The following KDM4C variants were observed in gnomAD, a reference collection of about 807,000 sequenced individuals.
The protein encoded by KDM4C is lysine demethylase 4C, also known as lysine-specific demethylase 4C.
In KDM4C, 81 loss-of-function variants were observed where a neutral mutation model predicts 129.3. That is an observed-to-expected ratio of 0.63 (90% confidence interval 0.52 to 0.75). The LOEUF (loss-of-function observed/expected upper bound fraction) is 0.75, where lower values mean the gene tolerates loss of function less well. Among genes scored for constraint, KDM4C ranks in the 30% least tolerant of loss-of-function variants. KDM4C has a pLI of 0.00. For missense variants in KDM4C, 1,457 were observed against 1,304.0 expected, an observed-to-expected ratio of 1.12 and a Z score of -1.81; for synonymous variants, 573 against 456.1, an observed-to-expected ratio of 1.26 and a Z score of -3.26.
At chr9:6,851,568 C>G (rs541923172) in intron 5 of KDM4C, among the ~76,000 whole-genome samples, 1 of 152,216 alleles carries the variant, frequency 6.6e-6, no homozygotes, top group African/African-American at 2.4e-5. Flanking sequence ...TAGGCAACTA[C>G]ATACTATGTC....
rs1209381243 is a variant in KDM4C, at chr9:6,913,734, C to A, written c.921+20502C>A. Among the ~76,000 whole-genome samples, 4 of 152,156 alleles carry A rather than the reference C, an allele frequency of 2.6e-5. No individual in the cohort carries two copies. The East Asian group carries it at 5.8e-4, about 22-fold the overall frequency. ...ACAGTTTCTACTCTATTATGATAAT[C>A]CATATAAGCAGAATCACAAAATTCC... On this transcript the variant is annotated intron_variant, in intron 8 of 21. Transcript: ENST00000381309.
chr9:6,841,021 C>T (rs1271142455), intron 4 of KDM4C, among the ~76,000 whole-genome samples: 1 of 152,146 alleles, frequency 6.6e-6, no homozygotes, highest in Non-Finnish European at 1.5e-5. Flanking sequence ...TAGTCCTGCC[C>T]ATCTGTATAT....
chr9:6,778,064 G>C (rs1414868864), intron 1 of KDM4C, among the ~76,000 whole-genome samples: 1 of 150,244 alleles, frequency 6.7e-6, no homozygotes, highest in Non-Finnish European at 1.5e-5. Flanking sequence ...GGGACTACAG[G>C]CATGCCACCA....
intron 1 of KDM4C, among the ~76,000 whole-genome samples, chr9:6,782,273 A>C (rs1008110444): frequency 3.3e-5 from 5 of 152,204 alleles, no homozygotes; most frequent in African/African-American, 1.2e-4. Flanking sequence ...TAAGGGAGTC[A>C]ACGTGTAAGA....
At chr9:7,054,101 C>T (rs1830561658) in intron 17 of KDM4C, among the ~76,000 whole-genome samples, 2 of 152,202 alleles carry the variant, frequency 1.3e-5, no homozygotes, top group African/African-American at 2.4e-5. Context: ...CAAACCCCTT[C>T]CCTGTGCCCT....
intron 19 of KDM4C, among the ~76,000 whole-genome samples, chr9:7,153,687 A>G (rs1156681859): frequency 1.3e-5 from 2 of 152,204 alleles, no homozygotes; most frequent in South Asian, 2.1e-4. Context: ...GCGGTTACTT[A>G]TCAGGGTTGT....
chr9:6,857,089 G>A (rs1049292748), intron 5 of KDM4C, among the ~76,000 whole-genome samples: 5 of 152,024 alleles, frequency 3.3e-5, no homozygotes, highest in Non-Finnish European at 1.5e-5. Flanking sequence ...ACACTCCAGG[G>A]CTCAATCAAT....
chr9:6,728,969 G>T (rs1402696435), intron 1 of KDM4C, among the ~76,000 whole-genome samples: 1 of 151,994 alleles, frequency 6.6e-6, no homozygotes, highest in South Asian at 2.1e-4. Flanking sequence ...ACTTTGGGAG[G>T]TCGAGGTGGA....
In KDM4C at chr9:7,122,265, A is replaced by ACACACACACT. The variant is rs375655422; in HGVS notation, c.2611-5800_2611-5799insACACACACTC. On this transcript the variant is annotated intron_variant, in intron 18 of 21. Transcript: ENST00000381309. ...CACACACACACACACACACACACAC[A>ACACACACACT]CTCTCTCTCTCTCTCTCTCTTAAAC... 1.2e-3 allele frequency among the ~76,000 whole-genome samples: 176 copies of ACACACACACT among 144,810 alleles called. 1 individual carries two copies. Among genetic ancestry groups the ACACACACACT allele is most frequent in the South Asian group, 7.0e-3 (32 of 4,540 alleles).
intron 17 of KDM4C, among the ~76,000 whole-genome samples, chr9:7,068,087 C>T (rs975867094): frequency 1.3e-5 from 2 of 152,178 alleles, no homozygotes; most frequent in Admixed American, 6.5e-5. Flanking sequence ...TGAGCCACCG[C>T]ACCCAGCTGA....
chr9:6,763,537 A>T (rs1009295379), intron 1 of KDM4C, among the ~76,000 whole-genome samples: 3 of 152,146 alleles, frequency 2.0e-5, no homozygotes, highest in Non-Finnish European at 4.4e-5. Flanking sequence ...CCACAAAAAT[A>T]TTGACAGTAG....
intron 8 of KDM4C, among the ~76,000 whole-genome samples, chr9:6,921,507 T>C (rs1292120460): frequency 6.6e-6 from 1 of 152,230 alleles, no homozygotes; most frequent in East Asian, 1.9e-4. Context: ...TTCTGTTGGC[T>C]CTAGAATCTC....
At chr9:7,027,080 T>A (rs184883041) in intron 15 of KDM4C, among the ~76,000 whole-genome samples, 2 of 152,304 alleles carry the variant, frequency 1.3e-5, no homozygotes, top group African/African-American at 4.8e-5. Context: ...TCTCCAGGAC[T>A]GGCCCCTGGT....
At chr9:6,862,306 C>T (rs113470600) in intron 5 of KDM4C, among the ~76,000 whole-genome samples, 3,577 of 152,164 alleles carry the variant, frequency 0.024, 143 homozygotes, top group African/African-American at 0.081. Context: ...ATTAACATTA[C>T]TTATGAAATG....
chr9:6,820,939 C>G lies in KDM4C; in HGVS notation c.435+6194C>G, dbSNP rs949003188. ...CCTGTGTCCAAGTGATCTCATTGTT[C>G]AATTCCCACCTATGAGTAAGAACAT... is the stretch of plus-strand genomic sequence containing the variant. On this transcript the variant is annotated intron_variant, in intron 4 of 21. Coordinates refer to ENST00000381309, the MANE Select transcript of KDM4C (RefSeq NM_015061.6). Among the ~76,000 whole-genome samples the G allele has an allele frequency of 6.4e-5, 9 of 139,644 alleles. No individual in the cohort carries two copies. In the East Asian group the frequency reaches 1.5e-3, roughly 24 times the overall value. 91.6% of individuals were successfully genotyped at this position (139,644 alleles called of 152,430 possible).
intron 4 of KDM4C, among the ~76,000 whole-genome samples, chr9:6,827,463 T>G (rs998390963): frequency 6.6e-6 from 1 of 152,204 alleles, no homozygotes; most frequent in Non-Finnish European, 1.5e-5. Flanking sequence ...CACACCAAGG[T>G]GTTAGACATA....
chr9:6,725,582 G>A (rs1197784411), intron 1 of KDM4C, among the ~76,000 whole-genome samples: 5 of 152,050 alleles, frequency 3.3e-5, no homozygotes, highest in Non-Finnish European at 7.4e-5. Flanking sequence ...CTGTCTCCCC[G>A]GATCAAGCAA....
chr9:7,023,740 T>C (rs780625648), intron 15 of KDM4C, among the ~76,000 whole-genome samples: 2 of 152,156 alleles, frequency 1.3e-5, no homozygotes, highest in African/African-American at 2.4e-5. Context: ...ATTTGAAGTT[T>C]TTCTTCTTTT....
intron 5 of KDM4C, among the ~76,000 whole-genome samples, chr9:6,867,696 A>C (rs76041485): frequency 0.077 from 11,715 of 152,220 alleles, 759 homozygotes; most frequent in East Asian, 0.22. Context: ...CAATTTCTTC[A>C]TTACTTACTG....
Sources: allele counts gnomAD v4.1 joint callset (sites outside exome capture counted in the v4.1 genomes callset), GRCh38; gene constraint gnomAD v4.1.1; transcripts MANE v1.5; gene names NCBI Gene and HGNC (gene_info 2026-07-23, HGNC 2026-07-21).